Variants in MRPL37 observed in about 807,000 individuals in gnomAD.
MRPL37 encodes the protein mitochondrial ribosomal protein L37, also known as large ribosomal subunit protein mL37.
In MRPL37, 34 loss-of-function variants were observed where a neutral mutation model predicts 44.1. That is an observed-to-expected ratio of 0.77 (90% CI 0.59 to 1.03). MRPL37 has a LOEUF of 1.03. Ranked by LOEUF, MRPL37 falls within the 50% of genes least tolerant of loss-of-function variation. The probability of loss-of-function intolerance (pLI) is 0.00; values close to 1 mark genes in which losing one functional copy is unlikely to be tolerated. For missense variants in MRPL37, 532 were observed against 543.7 expected (o/e 0.98, Z 0.21); for synonymous variants, 212 against 219.5 (o/e 0.97, Z 0.30).
chr1:54,224,019 G>A (rs1438461416), downstream of MRPL37, among the ~76,000 whole-genome samples: 1 of 152,178 alleles, frequency 6.6e-6, no homozygotes, highest in Non-Finnish European at 1.5e-5. Flanking sequence ...CACAGCAGGC[G>A]CTCTTCCCAG....
rs530638805 is a variant in MRPL37, at chr1:54,209,817, G to T, written c.647-129G>T. 5.8e-4 allele frequency: 541 copies of T among 928,764 alleles called. 8 individuals carry two copies. The South Asian group carries it at 9.0e-3, about 15-fold the overall frequency. The allele number at this position is 928,764 out of a possible 1,614,324, so 57.5% of individuals were successfully genotyped here. A position where few individuals can be genotyped will look rare whatever the true frequency, so the allele number is the denominator to read the frequency against. On this transcript the variant is annotated intron_variant, in intron 3 of 6. Coordinates refer to ENST00000360840, the MANE Select transcript of MRPL37 (RefSeq NM_016491.4). ...TTGTCATGTTGCCCAGGCTGACCTA[G>T]AACTCCTGGCTTCCAATGATCCACC...
chr1:54,214,143 C>G (rs1257746109), intron 5 of MRPL37, among the ~76,000 whole-genome samples: 1 of 152,162 alleles, frequency 6.6e-6, no homozygotes, highest in Admixed American at 6.5e-5. Context: ...AAAGATTGCA[C>G]CACTACACTC....
At chr1:54,222,969 G>A (rs1354683842), downstream of MRPL37, among the ~76,000 whole-genome samples, 2 of 152,218 alleles carry the variant, frequency 1.3e-5, no homozygotes, top group Admixed American at 6.5e-5. Flanking sequence ...TGGAAAGAAG[G>A]AAGTCTATGG....
chr1:54,212,669 G>A lies in MRPL37; in HGVS notation c.990+11G>A, dbSNP rs774657151. On this transcript the variant is annotated intron_variant, in intron 5 of 6. Coordinates refer to ENST00000360840, the MANE Select transcript of MRPL37 (RefSeq NM_016491.4). ...CGGCTCCTCTATGGGGTATGTAGGT[G>A]GAGAAGACCACTGAGTTGCTTTACG... is the stretch of plus-strand genomic sequence containing the variant. 1.9e-6 allele frequency: 3 copies of A among 1,614,096 alleles called. No individual in the cohort carries two copies. Among genetic ancestry groups the A allele is most frequent in the Non-Finnish European group, 2.5e-6 (3 of 1,179,982 alleles).
downstream of MRPL37, among the ~76,000 whole-genome samples, chr1:54,223,573 C>G (rs1234281972): frequency 1.1e-4 from 16 of 152,194 alleles, no homozygotes; most frequent in Admixed American, 1.0e-3. Flanking sequence ...TTTCCTGGCT[C>G]TGGGGCAGGG....
chr1:54,205,428 C>A lies in MRPL37; in HGVS notation c.646+18C>A. ...GAACCGAGGTTGGTCATCTTGTACA[C>A]CAGAAAGCCTTGGTCTGTTTTTTTT... On this transcript the variant is annotated intron_variant, in intron 3 of 6. Coordinates refer to ENST00000360840, the MANE Select transcript of MRPL37 (RefSeq NM_016491.4). 1.3e-6 allele frequency: 2 copies of A among 1,596,756 alleles called. No individual in the cohort carries two copies. The highest frequency in any genetic ancestry group is 1.7e-6 in the Non-Finnish European group (2 of 1,165,240).
At chr1:54,223,278 C>T (rs1046184323), downstream of MRPL37, among the ~76,000 whole-genome samples, 2 of 152,222 alleles carry the variant, frequency 1.3e-5, no homozygotes, top group African/African-American at 4.8e-5. Context: ...TGCTCAAGTC[C>T]AGGGGAGCCC....
At chr1:54,217,093 T>C (rs1329972793) in intron 6 of MRPL37, among the ~76,000 whole-genome samples, 2 of 152,150 alleles carry the variant, frequency 1.3e-5, no homozygotes, top group East Asian at 1.9e-4. Context: ...TGGAGAGACC[T>C]ACAGCAGGGT....
downstream of MRPL37, chr1:54,225,228 C>T: frequency 1.6e-6 from 2 of 1,234,240 alleles, no homozygotes; most frequent in East Asian, 3.2e-5. Context: ...TGGATACCTT[C>T]CCTCCCAACC....
downstream of MRPL37, among the ~76,000 whole-genome samples, chr1:54,224,309 G>C (rs80206862): frequency 2.0e-5 from 3 of 152,234 alleles, no homozygotes; most frequent in African/African-American, 7.2e-5. Flanking sequence ...GGACCAGATG[G>C]AATCTCCTAG....
intron 1 of MRPL37, among the ~76,000 whole-genome samples, chr1:54,203,467 CTTTTTTTT>C (rs780467512): frequency 2.0e-5 from 2 of 98,874 alleles, no homozygotes; most frequent in Non-Finnish European, 3.9e-5. Context: ...ACTTCATTTA[CTTTTTTTT>C]TTTTTTTTTT....
At chr1:54,223,950 G>A (rs1339927621), downstream of MRPL37, among the ~76,000 whole-genome samples, 1 of 152,212 alleles carries the variant, frequency 6.6e-6, no homozygotes, top group Non-Finnish European at 1.5e-5. Context: ...AGGGCCATTT[G>A]TGTTGTGAAG....
At chr1:54,216,927 A>ATTCAT (rs1261958522) in intron 6 of MRPL37, among the ~76,000 whole-genome samples, 2 of 1,790 alleles carry the variant, frequency 1.1e-3, no homozygotes, top group African/African-American at 2.6e-3. Flanking sequence ...CTGGGGATGC[A>ATTCAT]TTCGTTTCAT....
rs1424567539 is a variant in MRPL37, at chr1:54,200,259, G to C, written c.16G>C (p.Gly6Arg). 4.4e-6 allele frequency: 7 copies of C among 1,592,136 alleles called. No individual in the cohort carries two copies. The highest frequency in any genetic ancestry group is 2.2e-5 in the East Asian group (1 of 44,650). Residue 6 changes from glycine (G) to arginine (R), a missense_variant, in exon 1 of 7, where the codon GGG (glycine) becomes CGG (arginine). By Grantham distance (125) the Gly-to-Arg change is moderately radical. Coordinates refer to ENST00000360840, the MANE Select transcript of MRPL37 (RefSeq NM_016491.4). Reference sequence around the variant, plus strand: ...TCAGATCGGTATGGCATTGGCGTCCGGGCCCGCAAGGCGGGCGCTAGCTGG... The same window carrying C: ...TCAGATCGGTATGGCATTGGCGTCCCGGCCCGCAAGGCGGGCGCTAGCTGG... MALAS[G>R]PARRALAGSG...
downstream of MRPL37, among the ~76,000 whole-genome samples, chr1:54,224,061 A>G (rs1442542785): frequency 2.6e-5 from 4 of 152,196 alleles, no homozygotes; most frequent in South Asian, 2.1e-4. Context: ...TCCTCCAGCT[A>G]GGCACCCTGA....
chr1:54,208,217 G>A (rs1175115609), intron 3 of MRPL37, among the ~76,000 whole-genome samples: 1 of 152,102 alleles, frequency 6.6e-6, no homozygotes, highest in East Asian at 1.9e-4. Context: ...AGTTGTTAAG[G>A]ACAATCTGGC....
downstream of MRPL37, chr1:54,220,829 A>ACTT (rs1644228524): frequency 2.1e-6 from 1 of 468,076 alleles, no homozygotes; most frequent in African/African-American, 2.0e-5. Flanking sequence ...CACGAGAGGA[A>ACTT]CTTCCAGCAG....
At chr1:54,206,968 G>C (rs1278693317) in intron 3 of MRPL37, among the ~76,000 whole-genome samples, 2 of 152,060 alleles carry the variant, frequency 1.3e-5, no homozygotes, top group Non-Finnish European at 2.9e-5. Flanking sequence ...GGCCGGGCTG[G>C]TCTTGAACTC....
At position 54,216,081 on chromosome 1, in the gene MRPL37, G is replaced by A. The variant is rs144618687; in HGVS notation, c.991-60G>A. 7,714 of 1,568,286 alleles carry A rather than the reference G, an allele frequency of 4.9e-3. 35 individuals carry two copies. The highest frequency in any genetic ancestry group is 0.012 in the Middle Eastern group (70 of 5,890). ...GGAAGAACTAGAAGCTGCCTGGGCC[G>A]TGCTGTTCCTTACACTCCACAGCTT... On this transcript the variant is annotated intron_variant, in intron 5 of 6. Transcript: ENST00000360840.
Sources: gnomAD v4.1 joint callset for allele counts (sites outside exome capture counted in the v4.1 genomes callset) on GRCh38, gnomAD v4.1.1 for gene constraint, MANE v1.5 for transcripts, NCBI Gene and HGNC (gene_info 2026-07-23, HGNC 2026-07-21) for gene names.